ZNF722: variants seen among roughly 807,000 people sequenced by gnomAD.
The protein encoded by ZNF722 is zinc finger protein 722, also known as zinc finger protein 479 pseudogene.
At chr7:64,014,119 A>G in the ZNF722 span, among the ~76,000 whole-genome samples, 1 of 151,374 alleles carries the variant, frequency 6.6e-6, no homozygotes, top group African/African-American at 2.4e-5. Flanking sequence ...CTTTTTGTGT[A>G]TATCCTAGTT....
chr7:64,009,636 C>T, the ZNF722 span, among the ~76,000 whole-genome samples: 1 of 152,032 alleles, frequency 6.6e-6, no homozygotes, highest in East Asian at 1.9e-4. Flanking sequence ...CTGCTGGATT[C>T]GGTTTGCCAG....
the ZNF722 span, chr7:64,005,479 T>C: frequency 1.9e-6 from 1 of 534,692 alleles, no homozygotes; most frequent in Non-Finnish European, 3.4e-6. Context: ...CGAATAATTT[T>C]AGTCAGTCTT....
the ZNF722 span, chr7:64,015,813 G>C: frequency 6.2e-7 from 1 of 1,609,590 alleles, no homozygotes; most frequent in Non-Finnish European, 8.5e-7. Flanking sequence ...TCATACTGGA[G>C]AGAAACCCTA....
the ZNF722 span, among the ~76,000 whole-genome samples, chr7:64,004,425 A>AAAAAAATATATATATATATATATAT: frequency 1.6e-5 from 1 of 61,110 alleles, no homozygotes; most frequent in African/African-American, 8.0e-5. Flanking sequence ...AAAAAAAAAA[A>AAAAAAATATATATATATATATATAT]ATATATATAT....
At chr7:64,013,584 T>C in the ZNF722 span, among the ~76,000 whole-genome samples, 3 of 152,112 alleles carry the variant, frequency 2.0e-5, no homozygotes, top group Non-Finnish European at 4.4e-5. Context: ...ATACTTCTTA[T>C]TGATATTGCT....
the ZNF722 span, among the ~76,000 whole-genome samples, chr7:64,012,376 C>G: frequency 3.3e-5 from 5 of 152,166 alleles, no homozygotes; most frequent in East Asian, 7.7e-4. Flanking sequence ...AAATTTTCAG[C>G]TTTTCTGCTT....
the ZNF722 span, chr7:64,015,924 G>A: frequency 6.8e-7 from 1 of 1,470,634 alleles, no homozygotes; most frequent in African/African-American, 1.4e-5. Flanking sequence ...TAAATAATGT[G>A]GCAAATTCTA....
At chr7:64,007,086 TG>T in the ZNF722 span, among the ~76,000 whole-genome samples, 141 of 151,758 alleles carry the variant, frequency 9.3e-4, no homozygotes, top group African/African-American at 3.2e-3. Context: ...ACATAGTTGG[TG>T]TTTTTGAAAA....
chr7:64,006,712 T>C, the ZNF722 span, among the ~76,000 whole-genome samples: 2 of 152,108 alleles, frequency 1.3e-5, no homozygotes, highest in East Asian at 3.8e-4. Context: ...AGAATAGTAA[T>C]TTCTGTTTCA....
chr7:64,016,824 G>A, the ZNF722 span, among the ~76,000 whole-genome samples: 2 of 152,110 alleles, frequency 1.3e-5, no homozygotes, highest in African/African-American at 4.8e-5. Context: ...TTCTAAAAAA[G>A]GGAAATCATA....
the ZNF722 span, among the ~76,000 whole-genome samples, chr7:64,000,090 A>T: frequency 3.4e-5 from 5 of 149,206 alleles, no homozygotes; most frequent in African/African-American, 1.2e-4. Context: ...AAATATTTTT[A>T]CACTGCAAAG....
the ZNF722 span, chr7:64,016,023 C>A: frequency 1.3e-6 from 1 of 788,168 alleles, no homozygotes; most frequent in Non-Finnish European, 1.9e-6. Flanking sequence ...TAACAAGTTC[C>A]AAACCTTAAT....
the ZNF722 span, chr7:64,006,389 G>A: frequency 6.7e-6 from 7 of 1,044,522 alleles, no homozygotes; most frequent in Non-Finnish European, 1.4e-6. Flanking sequence ...GCCAGTCCTT[G>A]AAATGTGGTC....
chr7:64,000,753 C>T, the ZNF722 span, among the ~76,000 whole-genome samples: 4,008 of 151,336 alleles, frequency 0.026, 75 homozygotes, highest in South Asian at 0.057. Context: ...ACCCAGCCTG[C>T]ATTTTTCAAC....
chr7:64,015,275 A>C, the ZNF722 span: 1 of 1,240,110 alleles, frequency 8.1e-7, no homozygotes, highest in Non-Finnish European at 1.2e-6. Context: ...GTAAATTTTC[A>C]AATTGCAATA....
chr7:64,016,804 C>T, the ZNF722 span, among the ~76,000 whole-genome samples: 2 of 152,052 alleles, frequency 1.3e-5, no homozygotes, highest in East Asian at 1.9e-4. Context: ...TTTAACCATA[C>T]CTCAAACTTT....
At chr7:64,015,497 G>C in the ZNF722 span, 1 of 1,608,460 alleles carries the variant, frequency 6.2e-7, no homozygotes, top group East Asian at 2.2e-5. Flanking sequence ...ACAGATGTGA[G>C]GAATGTGGCA....
chr7:64,012,107 G>C, the ZNF722 span, among the ~76,000 whole-genome samples: 1 of 152,160 alleles, frequency 6.6e-6, no homozygotes, highest in African/African-American at 2.4e-5. Flanking sequence ...CTAGTGCCAT[G>C]GTTTTCAGCT....
chr7:64,015,708 C>G, the ZNF722 span: 1 of 1,613,824 alleles, frequency 6.2e-7, no homozygotes, highest in Non-Finnish European at 8.5e-7. Flanking sequence ...CCTCAATGAC[C>G]ACAAGAGAAT....
Sources: gnomAD v4.1 joint callset for allele counts (sites outside exome capture counted in the v4.1 genomes callset) on GRCh38, gnomAD v4.1.1 for gene constraint, MANE v1.5 for transcripts, NCBI Gene and HGNC (gene_info 2026-07-23, HGNC 2026-07-21) for gene names.